The following RPL32 variants were observed in gnomAD, a reference collection of about 807,000 sequenced individuals.
RPL32 encodes the protein ribosomal protein L32, also known as large ribosomal subunit protein eL32.
For synonymous variants in RPL32, 61 were observed against 62.6 expected (o/e 0.98, Z 0.12); for missense variants, 117 against 173.7 (o/e 0.67, Z 1.83).
intron 1 of RPL32, chr3:12,840,584 T>G (rs2062143891): frequency 2.1e-6 from 1 of 479,504 alleles, no homozygotes; most frequent in Non-Finnish European, 4.2e-6. Flanking sequence ...AGATGGTCCT[T>G]CCGGTAGTAC....
intron 3 of RPL32, among the ~76,000 whole-genome samples, chr3:12,838,462 T>G (rs936052515): frequency 2.0e-5 from 3 of 152,132 alleles, no homozygotes; most frequent in African/African-American, 7.2e-5. Context: ...ACCCTCCATG[T>G]GCTTTCACCT....
chr3:12,839,063 T>C, intron 3 of RPL32: 1 of 502,996 alleles, frequency 2.0e-6, no homozygotes, highest in East Asian at 3.6e-5. Context: ...AAGGATATTG[T>C]AGTAGTGGAA....
In RPL32 at chr3:12,835,911, T is replaced by G. The variant is rs1262083206; in HGVS notation, c.*183A>C. 4.4e-6 allele frequency: 3 copies of G among 677,158 alleles called. No individual in the cohort carries two copies. The highest frequency in any genetic ancestry group is 3.6e-5 in the African/African-American group (2 of 55,200). 41.9% of individuals were successfully genotyped at this position (677,158 alleles called of 1,614,324 possible). A position where few individuals can be genotyped will look rare whatever the true frequency, so the allele number is the denominator to read the frequency against. ...TGCACTTGAGGCCACATTCCCCTGTTCAAGGACTGAGTGTCCTTTACAAAT... is the reference window on the plus strand; with the variant it reads ...TGCACTTGAGGCCACATTCCCCTGTGCAAGGACTGAGTGTCCTTTACAAAT... On this transcript the variant is annotated 3_prime_UTR_variant, in exon 4 of 4. Coordinates refer to ENST00000429711, the MANE Select transcript of RPL32 (RefSeq NM_000994.4).
chr3:12,840,420 A>G, intron 1 of RPL32, 178 bp from the exon 2 acceptor site: 1 of 730,150 alleles, frequency 1.4e-6, no homozygotes, highest in Non-Finnish European at 2.5e-6. Context: ...GCAGAATACT[A>G]GGCACTCTCC....
Position 12,839,307 on chromosome 3 carries a change from A to G in RPL32, c.278+42T>C. ...CTGCCAGAAGTGCTCACACAGATGC[A>G]AACTTCTGATCACTGAAAACTAGAG... On this transcript the variant is annotated intron_variant, in intron 3 of 3. Transcript: ENST00000429711. 3 of 1,593,158 alleles carry G rather than the reference A, an allele frequency of 1.9e-6. No homozygotes were observed. In the Middle Eastern group the frequency reaches 5.0e-4, roughly 265 times the overall value.
chr3:12,840,668 C>T (rs535413956), intron 1 of RPL32: 1 of 375,632 alleles, frequency 2.7e-6, no homozygotes, highest in Non-Finnish European at 5.3e-6. Flanking sequence ...GCGCTGAATG[C>T]CTGCAGTGCC....
rs751393812 is a variant in RPL32 at position 12,839,366 on chromosome 3, C to T, written c.261G>A (p.Val87=). The part of the protein sequence containing the change: ...FLVHNVKELE[V]LLMCNKSYCA... ...CAACTCACTTGTTGCACATCAGCAG[C>T]ACTTCCAGCTCCTTGACGTTGTGGA... is the stretch of plus-strand genomic sequence containing the variant. The change falls in exon 3 of 4, where the codon GTG becomes GTA. Residue 87 remains valine (V), a synonymous_variant. Transcript: ENST00000429711. The T allele has an allele frequency of 1.4e-5, 22 of 1,614,008 alleles. No homozygotes were observed. The highest frequency in any genetic ancestry group is 2.7e-5 in the African/African-American group (2 of 74,932).
intron 3 of RPL32, among the ~76,000 whole-genome samples, chr3:12,836,928 C>A (rs2062104846): frequency 6.6e-6 from 1 of 152,228 alleles, no homozygotes; most frequent in Admixed American, 6.5e-5. Context: ...AAGAGAGAAG[C>A]AGCAGGACTG....
Position 12,839,338 on chromosome 3 carries a change from A to T in RPL32, c.278+11T>A, listed in dbSNP as rs764662139. On this transcript the variant is annotated intron_variant, in intron 3 of 3. Transcript: ENST00000429711. ...CTGATCACTGAAAACTAGAGGTGGG[A>T]CCCAACTCACTTGTTGCACATCAGC... 1.2e-5 allele frequency: 20 copies of T among 1,612,886 alleles called. No homozygotes were observed. The highest frequency in any genetic ancestry group is 1.7e-5 in the Non-Finnish European group (20 of 1,178,842).
chr3:12,835,962 G>A lies in RPL32; in HGVS notation c.*132C>T, dbSNP rs187548667. ...CCCCTCCAAATGGGAGATTCCAAAG[G>A]GGCTTAAGCAAAAGAACAATCTCTG... is the stretch of plus-strand genomic sequence containing the variant. On this transcript the variant is annotated 3_prime_UTR_variant, in exon 4 of 4. Coordinates refer to ENST00000429711, the MANE Select transcript of RPL32 (RefSeq NM_000994.4). The A allele has an allele frequency of 4.9e-4, 537 of 1,084,900 alleles. 1 individual carries two copies. Among genetic ancestry groups the A allele is most frequent in the Non-Finnish European group, 6.3e-4 (475 of 753,216 alleles). The allele number at this position is 1,084,900 out of a possible 1,614,324, so 67.2% of individuals were successfully genotyped here.
In RPL32 at chr3:12,836,085, A is replaced by T; in HGVS notation, c.*9T>A. ...ATTTATTTAAACAGAAAACGTGCACATGAGCTGCCTACTCATTTTCTTCAC... is the reference window on the plus strand; with the variant it reads ...ATTTATTTAAACAGAAAACGTGCACTTGAGCTGCCTACTCATTTTCTTCAC... On this transcript the variant is annotated 3_prime_UTR_variant, in exon 4 of 4. Transcript: ENST00000429711. The T allele has an allele frequency of 6.2e-7, 1 of 1,611,090 alleles. No individual in the cohort carries two copies. Among genetic ancestry groups the T allele is most frequent in the Non-Finnish European group, 8.5e-7 (1 of 1,179,992 alleles).
Position 12,839,421 on chromosome 3 carries a change from A to G in RPL32, c.206T>C (p.Met69Thr). Residue 69 changes from methionine to threonine, a missense_variant, in exon 3 of 4, where the codon ATG becomes ACG. Coordinates refer to ENST00000429711, the MANE Select transcript of RPL32 (RefSeq NM_000994.4). The stretch of plus-strand genomic sequence containing the variant: ...GAACTTCCGGAAGCCACTGGGCAGC[A>G]TGTGCTTTGTTTTTTTGTTGCTTCC... ...GYGSNKKTKH[M>T]LPSGFRKFLV... is the part of the protein sequence containing the mutation. 1 of 1,614,182 alleles carries G rather than the reference A, an allele frequency of 6.2e-7. No homozygotes were observed.
chr3:12,836,361 C>T, intron 3 of RPL32, 138 bp from the exon 4 acceptor site: 1 of 972,460 alleles, frequency 1.0e-6, no homozygotes, highest in Non-Finnish European at 1.5e-6. Context: ...ACCTACATGC[C>T]CCCAAATCCT....
rs148418737 is a variant in RPL32 at position 12,835,617 on chromosome 3, T to C, written c.*477A>G. 355 of 160,686 alleles carry C rather than the reference T, an allele frequency of 2.2e-3. 1 individual carries two copies. The highest frequency in any genetic ancestry group is 8.1e-3 in the African/African-American group (339 of 41,654). The allele number at this position is 160,686 out of a possible 1,614,324, so 10.0% of individuals were successfully genotyped here. A position where few individuals can be genotyped will look rare whatever the true frequency, so the allele number is the denominator to read the frequency against. On this transcript the variant is annotated 3_prime_UTR_variant, in exon 4 of 4. Transcript: ENST00000429711. ...CAATTTGTACATCATCCTGTTCTTT[T>C]TGGACAGAAGTTACAGGATGCAATT...
chr3:12,838,395 G>T (rs922603426), intron 3 of RPL32, among the ~76,000 whole-genome samples: 2 of 152,166 alleles, frequency 1.3e-5, no homozygotes, highest in African/African-American at 4.8e-5. Context: ...AAGAGAGCAA[G>T]ACTTCATCTT....
chr3:12,840,007 G>C (rs1207509009), intron 2 of RPL32, 135 bp downstream of exon 2: 2 of 763,978 alleles, frequency 2.6e-6, no homozygotes, highest in African/African-American at 3.4e-5. Flanking sequence ...CACACTGGGG[G>C]AGACCTGTAT....
At chr3:12,841,057 T>C (rs1036004173) in intron 1 of RPL32, 1 of 153,462 alleles carries the variant, frequency 6.5e-6, no homozygotes, top group Admixed American at 6.4e-5. Context: ...TCGTCTTTCC[T>C]TGGCGGTCCC....
chr3:12,837,183 C>G (rs1320837489), intron 3 of RPL32, among the ~76,000 whole-genome samples: 1 of 152,014 alleles, frequency 6.6e-6, no homozygotes, highest in African/African-American at 2.4e-5. Flanking sequence ...AGAGTGTACC[C>G]ACCATTTTAA....
At chr3:12,840,707 T>A in intron 1 of RPL32, 1 of 343,680 alleles carries the variant, frequency 2.9e-6, no homozygotes, top group Non-Finnish European at 5.8e-6. Flanking sequence ...CAATAAAACC[T>A]TCTAATTCCC....
Sources: gnomAD v4.1 joint callset for allele counts (sites outside exome capture counted in the v4.1 genomes callset) on GRCh38, gnomAD v4.1.1 for gene constraint, MANE v1.5 for transcripts, NCBI Gene and HGNC (gene_info 2026-07-23, HGNC 2026-07-21) for gene names.